FBH1: variants seen among roughly 807,000 people sequenced by gnomAD.
The protein encoded by FBH1 is DNA 3'-5' helicase 1.
Under a neutral mutation model 115.5 loss-of-function variants are expected in FBH1, and 43 were observed. The ratio of observed to expected loss-of-function variants is 0.37; its 90% CI spans 0.29 to 0.48. The LOEUF (loss-of-function observed/expected upper bound fraction) is 0.48. Among genes scored for constraint, FBH1 ranks in the 20% least tolerant of loss-of-function variants. FBH1 has a pLI of 0.99. For synonymous variants in FBH1, 524 were observed against 507.8 expected (o/e 1.03, Z -0.43); for missense variants, 1,001 against 1,337.3 (o/e 0.75, Z 3.92).
In FBH1 at chr10:5,915,308, A is replaced by C; in HGVS notation, c.1397-95A>C. 2.3e-6 allele frequency: 3 copies of C among 1,300,422 alleles called. No individual in the cohort carries two copies. In the East Asian group the frequency reaches 7.3e-5, roughly 31 times the overall value. 80.6% of individuals were successfully genotyped at this position (1,300,422 alleles called of 1,614,324 possible). On this transcript the variant is annotated intron_variant, in intron 8 of 20. Coordinates refer to ENST00000362091, the MANE Select transcript of FBH1 (RefSeq NM_178150.3). This position sits in a 1 kb window ranked among gnomAD's most constrained non-coding sequence, Gnocchi z 5.2. Reference sequence around the variant, plus strand: ...CTTGTTACTGTCCTGCTCTCAAGACAGAGGTGTGATAAGCCTGGACAAGGC... The same window carrying C: ...CTTGTTACTGTCCTGCTCTCAAGACCGAGGTGTGATAAGCCTGGACAAGGC...
At chr10:5,896,415 T>A (rs1843006508) in intron 1 of FBH1, among the ~76,000 whole-genome samples, 1 of 152,056 alleles carries the variant, frequency 6.6e-6, no homozygotes, top group Non-Finnish European at 1.5e-5. Flanking sequence ...GGTCCTGGAA[T>A]GGGGACCCCT....
rs1832535096 is a variant in FBH1, at chr10:5,924,762, C to T, written c.2596+254C>T. The T allele has an allele frequency of 1.8e-6, 1 of 542,064 alleles. No homozygotes were observed. The highest frequency in any genetic ancestry group is 3.5e-6 in the Non-Finnish European group (1 of 285,214). The allele number at this position is 542,064 out of a possible 1,614,324, so 33.6% of individuals were successfully genotyped here. A position where few individuals can be genotyped will look rare whatever the true frequency, so the allele number is the denominator to read the frequency against. ...TGTATTTTTTGTAGAGATGGAGTCTCACCATGTTGGCCAGGCTGGTCTCGA... is the reference window on the plus strand; with the variant it reads ...TGTATTTTTTGTAGAGATGGAGTCTTACCATGTTGGCCAGGCTGGTCTCGA... On this transcript the variant is annotated intron_variant, in intron 17 of 20. Coordinates refer to ENST00000362091, the MANE Select transcript of FBH1 (RefSeq NM_178150.3). This position sits in a 1 kb window ranked among gnomAD's most constrained non-coding sequence, Gnocchi z 6.2.
rs1832289380 is a variant in FBH1 at position 5,921,141 on chromosome 10, C to CG, written c.2101-111dup. On this transcript the variant is annotated intron_variant, in intron 13 of 20. Transcript: ENST00000362091. This position sits in a 1 kb window ranked among gnomAD's most constrained non-coding sequence, Gnocchi z 6.4. ...GAGCCTGTGAAGTTCGCTTTCCATG[C>CG]GGGGGGTCAGGAACAACTTGTAGGG... 3 of 858,506 alleles carry CG rather than the reference C, an allele frequency of 3.5e-6. No individual in the cohort carries two copies. The highest frequency in any genetic ancestry group is 5.2e-5 in the East Asian group (2 of 38,520). 53.2% of individuals were successfully genotyped at this position (858,506 alleles called of 1,614,324 possible).
chr10:5,936,698 T>C lies in FBH1; in HGVS notation c.2961+111T>C, dbSNP rs1296655024. On this transcript the variant is annotated intron_variant, in intron 20 of 20. Coordinates refer to ENST00000362091, the MANE Select transcript of FBH1 (RefSeq NM_178150.3). The surrounding 1 kb of genome is among the most constrained non-coding windows in gnomAD (Gnocchi z 5.6). ...GATAAGAGAGAGCTGTGTGATCCTT[T>C]ATTAGGGGCTTTTCATATGAGAGGC... The C allele has an allele frequency of 2.2e-6, 3 of 1,383,392 alleles. No homozygotes were observed. Among genetic ancestry groups the C allele is most frequent in the Non-Finnish European group, 3.0e-6 (3 of 1,000,016 alleles). 85.7% of individuals were successfully genotyped at this position (1,383,392 alleles called of 1,614,324 possible). A position where few individuals can be genotyped will look rare whatever the true frequency, so the allele number is the denominator to read the frequency against.
intron 3 of FBH1, 76 bp from the exon 4 acceptor site, chr10:5,908,849 G>T: frequency 6.6e-7 from 1 of 1,525,028 alleles, no homozygotes; most frequent in Non-Finnish European, 9.0e-7. Flanking sequence ...GACCTCAGGC[G>T]ATCTGCCCGC....
intron 19 of FBH1, chr10:5,934,406 C>G (rs1274043682): frequency 7.2e-6 from 1 of 138,904 alleles, no homozygotes. Flanking sequence ...TGGAGTCTCT[C>G]TCTGTAGCCC....
Position 5,906,553 on chromosome 10 carries a change from C to G in FBH1, c.674C>G (p.Ala225Gly). The G allele has an allele frequency of 6.2e-7, 1 of 1,614,052 alleles. No homozygotes were observed. The highest frequency in any genetic ancestry group is 8.5e-7 in the Non-Finnish European group (1 of 1,180,012). The stretch of plus-strand genomic sequence containing the variant: ...AGTGAGGTCCTGAGGCACGTGTTTG[C>G]CTTCCTCCCGGTGGAAGACCTCTAT... ...LPSEVLRHVF[A>G]FLPVEDLYWN... Residue 225 changes from alanine (A) to glycine (G), a missense_variant, in exon 3 of 21, where the codon GCC becomes GGC. This residue lies in a region of FBH1 where 420 missense variants were observed against 430.4 expected (regional missense o/e 0.98). Coordinates refer to ENST00000362091, the MANE Select transcript of FBH1 (RefSeq NM_178150.3). This position sits in a 1 kb window ranked among gnomAD's most constrained non-coding sequence, Gnocchi z 7.3.
At chr10:5,894,464 G>A (rs750660366) in intron 1 of FBH1, 45 of 1,408,118 alleles carry the variant, frequency 3.2e-5, no homozygotes, top group Non-Finnish European at 4.1e-5. Flanking sequence ...CAGGAGACCC[G>A]GGTTCTTGTG....
In FBH1 at chr10:5,906,107, C is replaced by G; in HGVS notation, c.228C>G (p.Ala76=). The change falls in exon 3 of 21, where the codon GCC becomes GCG. Residue 76 remains alanine (A), a synonymous_variant. Transcript: ENST00000362091. The surrounding 1 kb of genome is among the most constrained non-coding windows in gnomAD (Gnocchi z 7.3). ...AGCAGCCGTGCACCAATGACATGGC[C>G]AAAAGCAATTCTGTTGGCCAGGACA... The part of the protein sequence containing the change: ...AGKQPCTNDM[A]KSNSVGQDSC... 1 of 1,613,716 alleles carries G rather than the reference C, an allele frequency of 6.2e-7. No homozygotes were observed. Among genetic ancestry groups the G allele is most frequent in the Non-Finnish European group, 8.5e-7 (1 of 1,179,872 alleles).
In FBH1 at chr10:5,909,402, T is replaced by G. The variant is rs1831420469; in HGVS notation, c.1020+108T>G. The G allele has an allele frequency of 3.1e-6, 4 of 1,282,012 alleles. No homozygotes were observed. Among genetic ancestry groups the G allele is most frequent in the Non-Finnish European group, 3.2e-6 (3 of 951,766 alleles). 79.4% of individuals were successfully genotyped at this position (1,282,012 alleles called of 1,614,324 possible). On this transcript the variant is annotated intron_variant, in intron 5 of 20. Coordinates refer to ENST00000362091, the MANE Select transcript of FBH1 (RefSeq NM_178150.3). The surrounding 1 kb of genome is among the most constrained non-coding windows in gnomAD (Gnocchi z 4.4). ...ACTTTATATTTATTTTTAATGTCTG[T>G]ATTTAATCTCTGAATGCTTTGAAGC...
chr10:5,923,951 C>T lies in FBH1; in HGVS notation c.2398+255C>T. 1.8e-6 allele frequency: 1 copy of T among 564,810 alleles called. No individual in the cohort carries two copies. Among genetic ancestry groups the T allele is most frequent in the Non-Finnish European group, 3.1e-6 (1 of 319,138 alleles). The allele number at this position is 564,810 out of a possible 1,614,324, so 35.0% of individuals were successfully genotyped here. A position where few individuals can be genotyped will look rare whatever the true frequency, so the allele number is the denominator to read the frequency against. On this transcript the variant is annotated intron_variant, in intron 16 of 20. Transcript: ENST00000362091. The surrounding 1 kb of genome is among the most constrained non-coding windows in gnomAD (Gnocchi z 5.7). ...TCCCATAGACTGTCTTCCCCTGCAT[C>T]CTTCTGTCTGCCTGGGCCAATTTAT...
In FBH1 at chr10:5,916,242, C is replaced by A; in HGVS notation, c.1574C>A (p.Ser525Ter). The stretch of plus-strand genomic sequence containing the variant: ...TGGGATGGGTATTGCAGGTACCAGT[C>A]AAAGAAGAAGTTGAATCTCTTCAAG... ...AYGHIGRKYQ[S>*]KKKLNLFKLT... is the part of the protein sequence containing the mutation. The change falls in exon 10 of 21, where the codon TCA becomes TAA. Residue 525 changes from serine to a stop codon, truncating the protein, a stop_gained. Transcript: ENST00000362091. LOFTEE classifies it high-confidence loss of function. The A allele has an allele frequency of 6.2e-7, 1 of 1,614,066 alleles. No individual in the cohort carries two copies. Among genetic ancestry groups the A allele is most frequent in the South Asian group, 1.1e-5 (1 of 91,032 alleles).
intron 1 of FBH1, among the ~76,000 whole-genome samples, chr10:5,899,991 C>T (rs1843241975): frequency 6.6e-6 from 1 of 152,182 alleles, no homozygotes; most frequent in Admixed American, 6.5e-5. Flanking sequence ...AGCAACATTA[C>T]AGAACCAGCA....
In FBH1 at chr10:5,906,964, T is replaced by TC. The variant is rs757324980; in HGVS notation, c.753+333dup. Among the ~76,000 whole-genome samples, 46 of 150,088 alleles carry TC rather than the reference T, an allele frequency of 3.1e-4. No homozygotes were observed. Among genetic ancestry groups the TC allele is most frequent in the Non-Finnish European group, 5.6e-4 (38 of 67,754 alleles). On this transcript the variant is annotated intron_variant, in intron 3 of 20. Transcript: ENST00000362091. This position sits in a 1 kb window ranked among gnomAD's most constrained non-coding sequence, Gnocchi z 7.3. ...AGGGTTCCTCATATCTCCCTTGACTTCTTTTTTTTTTTTTTTGAGACAGAG... is the reference window on the plus strand; with the variant it reads ...AGGGTTCCTCATATCTCCCTTGACTTCCTTTTTTTTTTTTTTTGAGACAGAG...
Position 5,933,306 on chromosome 10 carries a change from T to G in FBH1, c.2830-3150T>G, listed in dbSNP as rs1345708237. 6.6e-6 allele frequency among the ~76,000 whole-genome samples: 1 copy of G among 152,184 alleles called. No homozygotes were observed. Among genetic ancestry groups the G allele is most frequent in the African/African-American group, 2.4e-5 (1 of 41,458 alleles). On this transcript the variant is annotated intron_variant, in intron 19 of 20. Coordinates refer to ENST00000362091, the MANE Select transcript of FBH1 (RefSeq NM_178150.3). This position sits in a 1 kb window ranked among gnomAD's most constrained non-coding sequence, Gnocchi z 4.9. The stretch of plus-strand genomic sequence containing the variant: ...AGGAGGCTGAGGCAGGAGAATCACT[T>G]GAATCCGGGAGGCAGAGGTTGCAGT...
At chr10:5,934,268 C>CATTTTGTTCATTTGTTT (rs1355252207) in intron 19 of FBH1, 1 of 152,040 alleles carries the variant, frequency 6.6e-6, no homozygotes, top group African/African-American at 2.4e-5. Flanking sequence ...CACCAGAAGC[C>CATTTTGTTCATTTGTTT]ATTTTGTTCA....
intron 1 of FBH1, among the ~76,000 whole-genome samples, chr10:5,896,462 C>T (rs1029854322): frequency 1.8e-4 from 27 of 152,202 alleles, no homozygotes; most frequent in African/African-American, 6.0e-4. Flanking sequence ...GTTAGAAAGC[C>T]GTCACAGAAA....
At chr10:5,904,232 T>C (rs1306803855) in intron 2 of FBH1, among the ~76,000 whole-genome samples, 2 of 151,874 alleles carry the variant, frequency 1.3e-5, no homozygotes, top group Non-Finnish European at 2.9e-5. Context: ...AGGGTTTTGC[T>C]ACGTTGCCCA....
In FBH1 at chr10:5,915,405, A is replaced by T; in HGVS notation, c.1399A>T (p.Thr467Ser). Reference sequence around the variant, plus strand: ...TCCTTTCCTCCTGGCTTCCCCAGGCACTGGGAAGACCTCAACGCTGGTCAA... The same window carrying T: ...TCCTTTCCTCCTGGCTTCCCCAGGCTCTGGGAAGACCTCAACGCTGGTCAA... ...QVVKIMAFAG[T>S]GKTSTLVKYA... The change falls in exon 9 of 21, where the codon ACT (threonine) becomes TCT (serine). Residue 467 changes from threonine (T) to serine (S), a missense_variant and splice_region_variant. Physicochemically the swap from Thr to Ser is moderately conservative, Grantham distance 58. This residue lies in a region of FBH1 where 521 missense variants were observed against 811.0 expected (regional missense o/e 0.64). Coordinates refer to ENST00000362091, the MANE Select transcript of FBH1 (RefSeq NM_178150.3). The surrounding 1 kb of genome is among the most constrained non-coding windows in gnomAD (Gnocchi z 5.2). The T allele has an allele frequency of 5.0e-6, 8 of 1,614,124 alleles. No homozygotes were observed. Among genetic ancestry groups the T allele is most frequent in the Non-Finnish European group, 6.8e-6 (8 of 1,179,988 alleles).
Sources: allele counts gnomAD v4.1 joint callset (sites outside exome capture counted in the v4.1 genomes callset), GRCh38; gene constraint gnomAD v4.1.1; regional missense constraint gnomAD v4.1.1; non-coding constraint Gnocchi (gnomAD v3.1); transcripts MANE v1.5; gene names NCBI Gene and HGNC (gene_info 2026-07-23, HGNC 2026-07-21).